EPHA6: variants seen among roughly 807,000 people sequenced by gnomAD.
EPHA6 encodes the protein ephrin type-A receptor 6.
Under a neutral mutation model 112.0 loss-of-function variants are expected in EPHA6, and 50 were observed. That is an observed-to-expected ratio of 0.45 (90% CI 0.36 to 0.56). EPHA6 has a LOEUF of 0.56. EPHA6 is among the 20% of genes least tolerant of loss of function. The pLI, the probability that EPHA6 is intolerant of heterozygous loss-of-function variation, is 0.00. For synonymous variants in EPHA6, 529 were observed against 490.7 expected (o/e 1.08, Z -1.03); for missense variants, 1,280 against 1,417.4 (o/e 0.90, Z 1.56).
chr3:97,598,743 T>C (rs2093616557), intron 12 of EPHA6, among the ~76,000 whole-genome samples: 1 of 151,446 alleles, frequency 6.6e-6, no homozygotes, highest in African/African-American at 2.4e-5. Context: ...CATGTGTCTT[T>C]ATAGCAGCAT....
At chr3:96,864,714 A>G (rs2036206380) in intron 1 of EPHA6, among the ~76,000 whole-genome samples, 1 of 152,084 alleles carries the variant, frequency 6.6e-6, no homozygotes. Context: ...TAATAAATCT[A>G]ACTGATAAGA....
intron 3 of EPHA6, among the ~76,000 whole-genome samples, chr3:97,026,492 C>G (rs2107999709): frequency 6.6e-6 from 1 of 152,214 alleles, no homozygotes; most frequent in East Asian, 1.9e-4. Context: ...AGCCATATTC[C>G]TAAGTATTTT....
Position 97,462,083 on chromosome 3 carries a change from G to A in EPHA6, c.1895-13269G>A, listed in dbSNP as rs556933294. On this transcript the variant is annotated intron_variant, in intron 7 of 17. Transcript: ENST00000389672. The stretch of plus-strand genomic sequence containing the variant: ...GTTAGAAGCTCGAACTCAGGAATTG[G>A]ACTATCTGTAAGTAAATTCTGGTTC... 4.6e-5 allele frequency among the ~76,000 whole-genome samples: 7 copies of A among 152,246 alleles called. No individual in the cohort carries two copies. The South Asian group carries it at 1.2e-3, about 27-fold the overall frequency.
intron 10 of EPHA6, among the ~76,000 whole-genome samples, chr3:97,492,761 C>T (rs2091882302): frequency 6.6e-6 from 1 of 151,374 alleles, no homozygotes; most frequent in Non-Finnish European, 1.5e-5. Flanking sequence ...GAGATCAGAT[C>T]GCATTAGAAA....
intron 3 of EPHA6, among the ~76,000 whole-genome samples, chr3:97,209,526 A>G (rs969691795): frequency 2.0e-5 from 3 of 152,184 alleles, no homozygotes; most frequent in African/African-American, 7.2e-5. Context: ...AAATATATAA[A>G]ACATCAATTT....
rs576353526 is a variant in EPHA6 at position 97,607,435 on chromosome 3, C to G, written c.2513-3358C>G. Among the ~76,000 whole-genome samples the G allele has an allele frequency of 4.0e-5, 6 of 151,056 alleles. No individual in the cohort carries two copies. The East Asian group carries it at 7.7e-4, about 20-fold the overall frequency. On this transcript the variant is annotated intron_variant, in intron 12 of 17. Coordinates refer to ENST00000389672, the MANE Select transcript of EPHA6 (RefSeq NM_001080448.3). Reference sequence around the variant, plus strand: ...AGAAAATAATTTTTCTTTTCTATAACAGAAAAGGATGATAAGGGGTTTTTG... The same window carrying G: ...AGAAAATAATTTTTCTTTTCTATAAGAGAAAAGGATGATAAGGGGTTTTTG...
At chr3:97,426,748 G>C (rs1008105075) in intron 6 of EPHA6, among the ~76,000 whole-genome samples, 1 of 152,090 alleles carries the variant, frequency 6.6e-6, no homozygotes, top group Non-Finnish European at 1.5e-5. Context: ...TATCAACAGA[G>C]TAACTAGACA....
intron 14 of EPHA6, among the ~76,000 whole-genome samples, chr3:97,695,547 A>T (rs572176486): frequency 6.6e-6 from 1 of 152,116 alleles, no homozygotes; most frequent in Non-Finnish European, 1.5e-5. Context: ...TACAGGTGAC[A>T]CTTTATTTAT....
At chr3:97,600,180 G>T (rs1158107541) in intron 12 of EPHA6, among the ~76,000 whole-genome samples, 6 of 150,576 alleles carry the variant, frequency 4.0e-5, no homozygotes, top group Admixed American at 3.3e-4. Context: ...AGACAATGGG[G>T]TTTTCTAGAT....
intron 5 of EPHA6, among the ~76,000 whole-genome samples, chr3:97,368,599 AT>A (rs1206490251): frequency 6.6e-6 from 1 of 152,224 alleles, no homozygotes; most frequent in Non-Finnish European, 1.5e-5. Context: ...TTATCGAAGA[AT>A]TTAACCTGTT....
At chr3:97,175,739 T>C (rs1287688998) in intron 3 of EPHA6, among the ~76,000 whole-genome samples, 1 of 151,978 alleles carries the variant, frequency 6.6e-6, no homozygotes, top group African/African-American at 2.4e-5. Flanking sequence ...CTGTTGAATT[T>C]GTATCCTGCA....
intron 2 of EPHA6, among the ~76,000 whole-genome samples, chr3:96,926,156 A>C (rs1399573135): frequency 6.6e-6 from 1 of 152,154 alleles, no homozygotes; most frequent in East Asian, 1.9e-4. Context: ...CAGAAGGGGA[A>C]GCAAGCATGT....
At chr3:96,926,527 A>G (rs1490442510) in intron 2 of EPHA6, among the ~76,000 whole-genome samples, 5 of 152,212 alleles carry the variant, frequency 3.3e-5, no homozygotes, top group Admixed American at 3.3e-4. Context: ...GAGACAAGAC[A>G]AGTTCCTTCT....
intron 11 of EPHA6, among the ~76,000 whole-genome samples, chr3:97,562,413 G>T (rs2093204496): frequency 6.6e-6 from 1 of 152,158 alleles, no homozygotes; most frequent in Admixed American, 6.6e-5. Context: ...AGGGGTTCAA[G>T]ACTTCAGTGG....
intron 3 of EPHA6, among the ~76,000 whole-genome samples, chr3:97,177,503 G>A (rs571795675): frequency 6.6e-6 from 1 of 151,808 alleles, no homozygotes; most frequent in African/African-American, 2.4e-5. Context: ...ATTATATTGG[G>A]GCCTATCTCT....
chr3:97,321,581 G>T (rs957681171), intron 5 of EPHA6, among the ~76,000 whole-genome samples: 5 of 151,716 alleles, frequency 3.3e-5, no homozygotes, highest in African/African-American at 4.8e-5. Context: ...GAGACAAATA[G>T]AGTTTTAAAA....
chr3:97,000,812 T>C (rs1165016592), intron 3 of EPHA6, among the ~76,000 whole-genome samples: 1 of 151,158 alleles, frequency 6.6e-6, no homozygotes, highest in East Asian at 1.9e-4. Flanking sequence ...TATATATATA[T>C]AGTGTATATA....
At chr3:97,371,446 T>C (rs1195311861) in intron 5 of EPHA6, among the ~76,000 whole-genome samples, 6 of 152,144 alleles carry the variant, frequency 3.9e-5, no homozygotes, top group South Asian at 2.1e-4. Flanking sequence ...ATTGTGAAGA[T>C]TTCATGGACA....
At chr3:97,316,095 T>C (rs116651505) in intron 5 of EPHA6, among the ~76,000 whole-genome samples, 3,253 of 151,902 alleles carry the variant, frequency 0.021, 117 homozygotes, top group African/African-American at 0.073. Flanking sequence ...TATTGTGTCA[T>C]ATTAAATGAT....
Sources: allele counts gnomAD v4.1 joint callset (sites outside exome capture counted in the v4.1 genomes callset), GRCh38; gene constraint gnomAD v4.1.1; transcripts MANE v1.5; gene names NCBI Gene and HGNC (gene_info 2026-07-23, HGNC 2026-07-21).